NRCAM: variants seen among roughly 807,000 people sequenced by gnomAD.
The protein encoded by NRCAM is neuronal cell adhesion molecule.
A neutral mutation model predicts 156.5 loss-of-function variants in NRCAM; 83 were observed. The observed-to-expected ratio is 0.53, with a 90% CI of 0.44 to 0.64. The LOEUF is 0.64. NRCAM is among the 30% of genes least tolerant of loss of function. The probability of loss-of-function intolerance (pLI) is 0.00; values close to 1 mark genes in which losing one functional copy is unlikely to be tolerated. For missense variants in NRCAM, 1,417 were observed against 1,597.3 expected, an observed-to-expected ratio of 0.89 and a Z score of 1.92; for synonymous variants, 538 against 563.9, an observed-to-expected ratio of 0.95 and a Z score of 0.65.
At chr7:108,231,967 G>T (rs1022438776) in intron 7 of NRCAM, among the ~76,000 whole-genome samples, 3 of 152,140 alleles carry the variant, frequency 2.0e-5, no homozygotes, top group Non-Finnish European at 4.4e-5. Flanking sequence ...ATAGCATTTA[G>T]ACCTTGATCA....
At chr7:108,257,004 C>T (rs1197088533) in intron 3 of NRCAM, among the ~76,000 whole-genome samples, 9 of 79,824 alleles carry the variant, frequency 1.1e-4, no homozygotes, top group African/African-American at 2.4e-4. Flanking sequence ...GGAAGACTGT[C>T]GAAAAAAAAA....
intron 11 of NRCAM, among the ~76,000 whole-genome samples, chr7:108,221,882 T>TA (rs2092409137): frequency 6.9e-6 from 1 of 145,054 alleles, no homozygotes; most frequent in Non-Finnish European, 1.5e-5. Flanking sequence ...AAAAATAATT[T>TA]AAAAAAGCTT....
chr7:108,207,886 A>T (rs539810702), intron 12 of NRCAM, among the ~76,000 whole-genome samples: 1 of 152,308 alleles, frequency 6.6e-6, no homozygotes, highest in Non-Finnish European at 1.5e-5. Flanking sequence ...GACCTGTTTG[A>T]TACAAATTTC....
intron 1 of NRCAM, among the ~76,000 whole-genome samples, chr7:108,452,530 G>C (rs1271939420): frequency 6.6e-6 from 1 of 152,132 alleles, no homozygotes; most frequent in Non-Finnish European, 1.5e-5. Flanking sequence ...TTTGCCCTTA[G>C]CATCCAGTTC....
intron 2 of NRCAM, among the ~76,000 whole-genome samples, chr7:108,349,498 C>G (rs56056000): frequency 0.27 from 41,226 of 151,746 alleles, 5,782 homozygotes; most frequent in Admixed American, 0.31. Context: ...TTGATCTCCT[C>G]ACCTTGTGAT....
chr7:108,186,694 T>C (rs953342940), intron 20 of NRCAM, among the ~76,000 whole-genome samples: 4 of 152,238 alleles, frequency 2.6e-5, no homozygotes, highest in Admixed American at 6.5e-5. Context: ...GCTAGGTTCA[T>C]ACATCTTTAT....
At chr7:108,390,961 T>C (rs1362803996) in intron 2 of NRCAM, among the ~76,000 whole-genome samples, 2 of 152,234 alleles carry the variant, frequency 1.3e-5, no homozygotes, top group Non-Finnish European at 2.9e-5. Flanking sequence ...TTTCTGTTCT[T>C]TTACATTTGC....
intron 13 of NRCAM, among the ~76,000 whole-genome samples, chr7:108,202,605 C>G (rs2078771063): frequency 6.6e-6 from 1 of 152,138 alleles, no homozygotes; most frequent in Non-Finnish European, 1.5e-5. Flanking sequence ...TTTACTTATT[C>G]CATCCCTACA....
At chr7:108,415,103 C>T (rs1799909139) in intron 1 of NRCAM, among the ~76,000 whole-genome samples, 1 of 152,192 alleles carries the variant, frequency 6.6e-6, no homozygotes, top group Admixed American at 6.5e-5. Flanking sequence ...CAGCTTCTCC[C>T]ACACCCTCCA....
intron 1 of NRCAM, among the ~76,000 whole-genome samples, chr7:108,415,440 C>T (rs1597150698): frequency 6.6e-6 from 1 of 152,190 alleles, no homozygotes; most frequent in African/African-American, 2.4e-5. Flanking sequence ...AGGACAGGAA[C>T]ATTATTTAAT....
intron 2 of NRCAM, among the ~76,000 whole-genome samples, chr7:108,396,801 T>A (rs1367228333): frequency 2.6e-5 from 4 of 152,238 alleles, no homozygotes; most frequent in Non-Finnish European, 4.4e-5. Flanking sequence ...AAGTCACTGA[T>A]GTCTTTTTTA....
At chr7:108,178,406 T>C (rs428459) in intron 25 of NRCAM, 346,167 of 431,350 alleles carry the variant, frequency 0.8, 141,065 homozygotes, top group East Asian at 0.94. Flanking sequence ...CAGTACTTGT[T>C]TGACGCATGA....
intron 3 of NRCAM, among the ~76,000 whole-genome samples, chr7:108,257,228 G>A (rs2096719070): frequency 6.6e-6 from 1 of 152,050 alleles, no homozygotes; most frequent in South Asian, 2.1e-4. Context: ...AGGCAGGAGG[G>A]AACTTTGTCA....
At position 108,149,936 on chromosome 7, in the gene NRCAM, C is replaced by T. The variant is rs372883632; in HGVS notation, c.3889G>A (p.Val1297Ile). 8.7e-6 allele frequency: 14 copies of T among 1,611,540 alleles called. No individual in the cohort carries two copies. The African/African-American group carries it at 1.3e-4, about 15-fold the overall frequency. The part of the protein sequence containing the change: ...GNESSEAPSP[V>I]NAMNSFV The stretch of plus-strand genomic sequence containing the variant: ...TAAACAAAGGAATTCATGGCGTTGA[C>T]AGGAGAAGGTGCCTCTGAGCTTTCG... Residue 1297 changes from valine (V) to isoleucine (I), a missense_variant, in exon 33 of 33, where the codon GTC becomes ATC. Around this residue, in one of 2 missense-constraint regions of NRCAM, gnomAD observed 179 missense variants for 260.9 expected, o/e 0.69. Transcript: ENST00000379028.
intron 24 of NRCAM, 56 bp from the exon 25 acceptor site, chr7:108,180,483 A>G: frequency 1.4e-6 from 2 of 1,391,646 alleles, no homozygotes; most frequent in South Asian, 1.2e-5. Context: ...AAGATTCCTT[A>G]TGCTCACAAA....
chr7:108,359,256 C>T (rs999990475), intron 2 of NRCAM, among the ~76,000 whole-genome samples: 2 of 152,032 alleles, frequency 1.3e-5, no homozygotes, highest in Non-Finnish European at 2.9e-5. Flanking sequence ...TTAATGTAAC[C>T]GAAGTGGGAA....
At chr7:108,359,380 C>G (rs986316110) in intron 2 of NRCAM, among the ~76,000 whole-genome samples, 2 of 152,140 alleles carry the variant, frequency 1.3e-5, no homozygotes, top group Non-Finnish European at 2.9e-5. Flanking sequence ...AACACAAAAG[C>G]TACCAGGACA....
intron 2 of NRCAM, among the ~76,000 whole-genome samples, chr7:108,379,981 G>C (rs554419998): frequency 6.6e-6 from 1 of 152,264 alleles, no homozygotes; most frequent in South Asian, 2.1e-4. Flanking sequence ...TGAAAGACTT[G>C]AATTCACTGA....
intron 3 of NRCAM, among the ~76,000 whole-genome samples, chr7:108,276,561 C>CTT (rs376238776): frequency 5.5e-5 from 8 of 145,056 alleles, no homozygotes; most frequent in African/African-American, 1.0e-4. Context: ...GTAACTCCTG[C>CTT]TTTTTTTTTT....
Sources: allele counts gnomAD v4.1 joint callset (sites outside exome capture counted in the v4.1 genomes callset), GRCh38; gene constraint gnomAD v4.1.1; regional missense constraint gnomAD v4.1.1; transcripts MANE v1.5; gene names NCBI Gene and HGNC (gene_info 2026-07-23, HGNC 2026-07-21).